Variants in NBEA observed in about 807,000 individuals in gnomAD.
NBEA encodes the protein neurobeachin, also known as lysosomal-trafficking regulator 2.
Under a neutral mutation model 343.4 loss-of-function variants are expected in NBEA, and 44 were observed. The ratio of observed to expected loss-of-function variants is 0.13; its 90% confidence interval spans 0.10 to 0.16. The LOEUF is 0.16. Ranked by LOEUF, NBEA falls within the 10% of genes least tolerant of loss-of-function variation. The pLI is 1.00. For missense variants in NBEA, 2,555 were observed against 3,631.3 expected (o/e 0.70, Z 7.62); for synonymous variants, 1,175 against 1,238.7 (o/e 0.95, Z 1.08).
intron 39 of NBEA, among the ~76,000 whole-genome samples, chr13:35,444,671 C>T (rs902397294): frequency 5.3e-5 from 8 of 151,936 alleles, no homozygotes; most frequent in African/African-American, 1.9e-4. Flanking sequence ...CTGCCAGTGT[C>T]CTCCCAAAGA....
chr13:35,138,523 A>C (rs1309739959), intron 17 of NBEA, among the ~76,000 whole-genome samples: 1 of 150,446 alleles, frequency 6.6e-6, no homozygotes, highest in East Asian at 2.0e-4. Context: ...GCAATGATGC[A>C]ATCTCCACCC....
chr13:35,092,590 CA>C, intron 10 of NBEA, among the ~76,000 whole-genome samples: 1 of 151,986 alleles, frequency 6.6e-6, no homozygotes, highest in Non-Finnish European at 1.5e-5. Flanking sequence ...ATAAGGATGT[CA>C]AAATAGTTCA....
intron 11 of NBEA, among the ~76,000 whole-genome samples, chr13:35,099,373 T>C (rs1052682406): frequency 6.6e-6 from 1 of 151,984 alleles, no homozygotes; most frequent in African/African-American, 2.4e-5. Context: ...TAATTTTTTG[T>C]ATTTTTAGTA....
chr13:35,658,010 GCTAA>G (rs1381693762), intron 55 of NBEA, among the ~76,000 whole-genome samples: 5 of 152,060 alleles, frequency 3.3e-5, no homozygotes, highest in East Asian at 1.9e-4. Context: ...CCAAAAGATG[GCTAA>G]CTATCAATTG....
intron 34 of NBEA, among the ~76,000 whole-genome samples, chr13:35,238,278 T>G (rs1417879163): frequency 2.0e-5 from 3 of 152,204 alleles, no homozygotes; most frequent in African/African-American, 7.2e-5. Flanking sequence ...AAGTCTCATA[T>G]GTGTCCAAGG....
At chr13:35,523,631 G>T (rs1448165478) in intron 41 of NBEA, among the ~76,000 whole-genome samples, 1 of 152,038 alleles carries the variant, frequency 6.6e-6, no homozygotes, top group African/African-American at 2.4e-5. Flanking sequence ...CTCTCCTGGG[G>T]GTTGTTTGAC....
chr13:35,175,721 T>C (rs898301431), intron 27 of NBEA, among the ~76,000 whole-genome samples: 13 of 152,134 alleles, frequency 8.5e-5, no homozygotes, highest in Non-Finnish European at 1.6e-4. Context: ...GAGTGGTGTT[T>C]CTTTTTTTTT....
rs529759071 is a variant in NBEA at position 35,157,395 on chromosome 13, T to C, written c.2844+125T>C. 6 of 736,486 alleles carry C rather than the reference T, an allele frequency of 8.1e-6. No individual in the cohort carries two copies. The East Asian group carries it at 1.9e-4, about 23-fold the overall frequency. The allele number at this position is 736,486 out of a possible 1,614,324, so 45.6% of individuals were successfully genotyped here. A position where few individuals can be genotyped will look rare whatever the true frequency, so the allele number is the denominator to read the frequency against. ...TTGACAGATTCCTGTATCTCAGTTT[T>C]GTATTTTTCCCTCATTGTTCATAGA... is the stretch of plus-strand genomic sequence containing the variant. On this transcript the variant is annotated intron_variant, in intron 21 of 58. Transcript: ENST00000379939.
At chr13:35,401,206 G>C (rs896322556) in intron 38 of NBEA, among the ~76,000 whole-genome samples, 2 of 151,870 alleles carry the variant, frequency 1.3e-5, no homozygotes, top group Admixed American at 1.3e-4. Flanking sequence ...AAAAACAGAC[G>C]CTGTAGCAAG....
intron 17 of NBEA, among the ~76,000 whole-genome samples, chr13:35,130,920 A>C (rs561712615): frequency 6.6e-6 from 1 of 152,212 alleles, no homozygotes; most frequent in Non-Finnish European, 1.5e-5. Flanking sequence ...AAATTATAAA[A>C]TGCAGTAAAA....
chr13:35,660,058 C>T (rs2085007007), intron 55 of NBEA, among the ~76,000 whole-genome samples: 3 of 152,200 alleles, frequency 2.0e-5, no homozygotes, highest in Non-Finnish European at 4.4e-5. Flanking sequence ...CAATATATTA[C>T]AACCCATCTC....
At chr13:35,427,955 C>T (rs1280420808) in intron 38 of NBEA, among the ~76,000 whole-genome samples, 2 of 152,162 alleles carry the variant, frequency 1.3e-5, no homozygotes, top group East Asian at 1.9e-4. Context: ...ATAATCTCCT[C>T]GTGTGCCGTT....
chr13:35,464,179 G>C (rs1047692559), intron 40 of NBEA, among the ~76,000 whole-genome samples: 1 of 151,978 alleles, frequency 6.6e-6, no homozygotes, highest in Non-Finnish European at 1.5e-5. Context: ...CCAGAAAAAG[G>C]GTAAACCCCA....
chr13:35,004,010 T>C (rs1459130226), intron 1 of NBEA, among the ~76,000 whole-genome samples: 1 of 152,176 alleles, frequency 6.6e-6, no homozygotes, highest in Non-Finnish European at 1.5e-5. Context: ...CTCCCACTTA[T>C]TAGTGAGAAC....
intron 23 of NBEA, among the ~76,000 whole-genome samples, chr13:35,162,431 A>G (rs781426090): frequency 4.6e-5 from 7 of 152,158 alleles, no homozygotes; most frequent in Non-Finnish European, 1.0e-4. Context: ...GTTGGCTTCC[A>G]TGCTTCTCCT....
intron 36 of NBEA, among the ~76,000 whole-genome samples, chr13:35,347,417 G>C (rs2039944298): frequency 1.3e-5 from 2 of 151,914 alleles, no homozygotes; most frequent in Admixed American, 6.6e-5. Context: ...GGACAATGAA[G>C]GAATATGAGG....
chr13:34,999,392 T>C (rs143847695), intron 1 of NBEA, among the ~76,000 whole-genome samples: 24 of 152,250 alleles, frequency 1.6e-4, no homozygotes, highest in African/African-American at 5.8e-4. Context: ...CAATACTCTC[T>C]TTACCCCCTT....
At chr13:35,524,752 A>G (rs573264820) in intron 41 of NBEA, among the ~76,000 whole-genome samples, 14 of 152,370 alleles carry the variant, frequency 9.2e-5, no homozygotes, top group Middle Eastern at 6.8e-3. Context: ...TGATTTATGT[A>G]TCATAGAAAA....
intron 38 of NBEA, among the ~76,000 whole-genome samples, chr13:35,356,049 T>C (rs1315416801): frequency 6.6e-6 from 1 of 152,118 alleles, no homozygotes; most frequent in Non-Finnish European, 1.5e-5. Flanking sequence ...GCACCTAGAA[T>C]AAGCCCTGAT....
Sources: allele counts gnomAD v4.1 joint callset (sites outside exome capture counted in the v4.1 genomes callset), GRCh38; gene constraint gnomAD v4.1.1; transcripts MANE v1.5; gene names NCBI Gene and HGNC (gene_info 2026-07-23, HGNC 2026-07-21).